HNRNPLL: variants seen among roughly 807,000 people sequenced by gnomAD.
HNRNPLL encodes the protein heterogeneous nuclear ribonucleoprotein L-like.
In HNRNPLL, 25 loss-of-function variants were observed where a neutral mutation model predicts 67.1. The observed-to-expected ratio is 0.37, with a 90% CI of 0.27 to 0.52. The LOEUF is 0.52. Among genes scored for constraint, HNRNPLL ranks in the 20% least tolerant of loss-of-function variants. The probability of loss-of-function intolerance (pLI) is 0.90; values close to 1 mark genes in which losing one functional copy is unlikely to be tolerated. For missense variants in HNRNPLL, 542 were observed against 673.9 expected, an observed-to-expected ratio of 0.80 and a Z score of 2.17; for synonymous variants, 267 against 241.7, an observed-to-expected ratio of 1.10 and a Z score of -0.97.
At chr2:38,576,563 C>T (rs191361332) in intron 7 of HNRNPLL, among the ~76,000 whole-genome samples, 6 of 151,616 alleles carry the variant, frequency 4.0e-5, no homozygotes, top group Admixed American at 4.0e-4. Flanking sequence ...ATACACAACA[C>T]AAACACACTA....
Position 38,577,490 on chromosome 2 carries a change from T to C in HNRNPLL, c.845A>G (p.His282Arg). 1 of 1,609,740 alleles carries C rather than the reference T, an allele frequency of 6.2e-7. No homozygotes were observed. The highest frequency in any genetic ancestry group is 8.5e-7 in the Non-Finnish European group (1 of 1,176,324). ...GRQRQAILGE[H>R]PSSFRHDGYG... ...GCCATCATGTCTAAACGAAGAAGGG[T>C]GTTCTCCCAAAATGGCTTGTCTCTG... The change falls in exon 7 of 13, where the codon CAC becomes CGC. Residue 282 changes from histidine to arginine, a missense_variant. Around this residue, in one of 2 missense-constraint regions of HNRNPLL, gnomAD observed 415 missense variants for 575.2 expected, o/e 0.72. Coordinates refer to ENST00000449105, the MANE Select transcript of HNRNPLL (RefSeq NM_138394.4).
chr2:38,602,321 C>T, intron 1 of HNRNPLL, 117 bp downstream of exon 1: 3 of 991,032 alleles, frequency 3.0e-6, no homozygotes, highest in Non-Finnish European at 4.4e-6. Flanking sequence ...GGGCGCTTCC[C>T]CAAACGGGTC....
intron 12 of HNRNPLL, 109 bp downstream of exon 12, chr2:38,568,090 C>G: frequency 1.5e-6 from 1 of 657,032 alleles, no homozygotes; most frequent in Non-Finnish European, 2.6e-6. Context: ...TTGTATTTAT[C>G]TGTATTTTTT....
At chr2:38,586,141 C>A (rs1666722971) in intron 2 of HNRNPLL, among the ~76,000 whole-genome samples, 1 of 152,052 alleles carries the variant, frequency 6.6e-6, no homozygotes, top group Non-Finnish European at 1.5e-5. Context: ...CTTGCCTCAG[C>A]CTCCTTAGTA....
At chr2:38,572,630 A>G (rs1666136815) in intron 8 of HNRNPLL, among the ~76,000 whole-genome samples, 1 of 152,146 alleles carries the variant, frequency 6.6e-6, no homozygotes, top group Admixed American at 6.6e-5. Context: ...ATTTGATAAT[A>G]AAGTTACAAT....
intron 1 of HNRNPLL, among the ~76,000 whole-genome samples, chr2:38,592,687 G>C (rs946005695): frequency 3.3e-5 from 5 of 152,158 alleles, no homozygotes; most frequent in East Asian, 3.8e-4. Flanking sequence ...AATGCAAATA[G>C]CTTTCATTTA....
chr2:38,586,794 T>C (rs1490113027), intron 2 of HNRNPLL, among the ~76,000 whole-genome samples: 3 of 152,164 alleles, frequency 2.0e-5, no homozygotes, highest in South Asian at 2.1e-4. Flanking sequence ...GGGTAAGATG[T>C]TTACTTTTCA....
At chr2:38,588,546 CAAAAA>C (rs70954733) in intron 2 of HNRNPLL, among the ~76,000 whole-genome samples, 3,359 of 51,016 alleles carry the variant, frequency 0.066, 163 homozygotes, top group African/African-American at 0.17. Flanking sequence ...AACTCCATCT[CAAAAA>C]AAAAAAAAAA....
At position 38,586,044 on chromosome 2, in the gene HNRNPLL, CGGA is replaced by C. The variant is rs1157936819; in HGVS notation, c.309-166_309-164del. ...AGTCAACTTTTTTTTTTTTTTGAGACGGAGTCTTTCTCTGTCGCCCAGGCTGGA... is the reference window on the plus strand; with the variant it reads ...AGTCAACTTTTTTTTTTTTTTGAGACGTCTTTCTCTGTCGCCCAGGCTGGA... On this transcript the variant is annotated intron_variant, in intron 2 of 12. Transcript: ENST00000449105. Among the ~76,000 whole-genome samples the C allele has an allele frequency of 9.6e-3, 1,433 of 149,954 alleles. 63 individuals carry two copies. Among genetic ancestry groups the C allele is most frequent in the Admixed American group, 0.078 (1,177 of 15,152 alleles).
At chr2:38,580,933 C>A (rs1262427780) in intron 6 of HNRNPLL, 3 of 152,130 alleles carry the variant, frequency 2.0e-5, no homozygotes, top group African/African-American at 4.8e-5. Flanking sequence ...AACTTATAAA[C>A]AGCCACTTTA....
At chr2:38,579,741 ATTT>A (rs5830537) in intron 6 of HNRNPLL, among the ~76,000 whole-genome samples, 2 of 150,702 alleles carry the variant, frequency 1.3e-5, no homozygotes, top group Non-Finnish European at 3.0e-5. Context: ...AAAAGTTTTT[ATTT>A]TTTTTGGTTA....
At chr2:38,577,106 T>C (rs1297713125) in intron 7 of HNRNPLL, among the ~76,000 whole-genome samples, 1 of 151,962 alleles carries the variant, frequency 6.6e-6, no homozygotes, top group Non-Finnish European at 1.5e-5. Flanking sequence ...AAAATTCCTC[T>C]TTGTTGCTAA....
At chr2:38,600,038 C>T (rs1438247157) in intron 1 of HNRNPLL, 2 of 373,230 alleles carry the variant, frequency 5.4e-6, no homozygotes, top group Non-Finnish European at 1.1e-5. Flanking sequence ...AACTTCTATC[C>T]GGGGAACGTC....
intron 1 of HNRNPLL, among the ~76,000 whole-genome samples, chr2:38,593,849 T>C (rs1465380808): frequency 2.4e-4 from 25 of 102,356 alleles, no homozygotes; most frequent in Middle Eastern, 8.2e-3. Context: ...GGCGACGGAG[T>C]GAGACTCCGT....
intron 2 of HNRNPLL, among the ~76,000 whole-genome samples, chr2:38,590,665 A>G (rs1666925350): frequency 6.6e-6 from 1 of 152,118 alleles, no homozygotes; most frequent in Non-Finnish European, 1.5e-5. Flanking sequence ...AGACAGGGGG[A>G]GCCTGCGTGA....
intron 2 of HNRNPLL, among the ~76,000 whole-genome samples, chr2:38,588,715 G>A (rs908441190): frequency 2.0e-5 from 3 of 152,046 alleles, no homozygotes; most frequent in African/African-American, 7.2e-5. Flanking sequence ...ATTTTAGCAT[G>A]TGCTTAAATT....
intron 2 of HNRNPLL, among the ~76,000 whole-genome samples, chr2:38,589,682 C>T (rs928886022): frequency 6.6e-6 from 1 of 152,098 alleles, no homozygotes; most frequent in African/African-American, 2.4e-5. Context: ...GCAAAGGTCA[C>T]CAGGAGTAAT....
At chr2:38,572,355 C>T (rs992959883) in intron 8 of HNRNPLL, among the ~76,000 whole-genome samples, 1 of 152,060 alleles carries the variant, frequency 6.6e-6, no homozygotes, top group African/African-American at 2.4e-5. Flanking sequence ...ACTTTTCAAG[C>T]CATGTTCCCC....
intron 1 of HNRNPLL, among the ~76,000 whole-genome samples, chr2:38,595,272 TAAAAAAAAAAAA>T (rs70954734): frequency 1.5e-4 from 10 of 68,778 alleles, no homozygotes; most frequent in African/African-American, 2.4e-4. Flanking sequence ...AGACCTTGTC[TAAAAAAAAAAAA>T]AAAAAAAAAA....
Sources: gnomAD v4.1 joint callset for allele counts (sites outside exome capture counted in the v4.1 genomes callset) on GRCh38, gnomAD v4.1.1 for gene constraint, gnomAD v4.1.1 regional missense constraint, MANE v1.5 for transcripts, NCBI Gene and HGNC (gene_info 2026-07-23, HGNC 2026-07-21) for gene names.